The following NUMA1 variants were observed in gnomAD, a reference collection of about 807,000 sequenced individuals.
NUMA1 encodes nuclear mitotic apparatus protein 1.
Under a neutral mutation model 237.1 loss-of-function variants are expected in NUMA1, and 62 were observed. That is an observed-to-expected ratio of 0.26 (90% CI 0.21 to 0.32). NUMA1 has a LOEUF of 0.32. NUMA1 is among the 10% of genes least tolerant of loss of function. The pLI is 1.00. For missense variants in NUMA1, 2,533 were observed against 2,666.5 expected (o/e 0.95, Z 1.10); for synonymous variants, 1,028 against 1,066.1 (o/e 0.96, Z 0.70).
rs1335630924 is a variant in NUMA1 at position 72,009,240 on chromosome 11, T to G, written c.4839+28A>C. On this transcript the variant is annotated intron_variant, in intron 18 of 26. Coordinates refer to ENST00000393695, the MANE Select transcript of NUMA1 (RefSeq NM_006185.4). ...TAGAGGTTGAAGGGCAGGAGGAAGG[T>G]GGCATGGGCTGGGGCTGGGCTCCTT... 3 of 1,602,308 alleles carry G rather than the reference T, an allele frequency of 1.9e-6. No individual in the cohort carries two copies. In the African/African-American group the frequency reaches 4.0e-5, roughly 21 times the overall value.
At chr11:72,008,649 C>T in intron 20 of NUMA1, 39 bp downstream of exon 20, 1 of 1,607,186 alleles carries the variant, frequency 6.2e-7, no homozygotes, top group Non-Finnish European at 8.5e-7. Context: ...ACAGCAGGCA[C>T]TCCATAAACA....
rs1955556560 is a variant in NUMA1, at chr11:72,004,661, G to C, written c.5985C>G (p.His1995Gln). Residue 1995 changes from histidine to glutamine, a missense_variant, in exon 24 of 27, where the codon CAC becomes CAG. Transcript: ENST00000393695. ...CTACCTCAGGAGTTCCAGGGCCCTG[G>C]TGGGGCTCTAGGGAGACCCGTTTGC... ...QQRKRVSLEP[H>Q]QGPGTPESKK... 6.2e-7 allele frequency: 1 copy of C among 1,612,930 alleles called. No homozygotes were observed.
At chr11:72,049,594 GTGTATATA>G (rs1253808096) in intron 2 of NUMA1, 1 of 17,206 alleles carries the variant, frequency 5.8e-5, no homozygotes, top group Non-Finnish European at 2.2e-4. Context: ...GTGTGTGTGT[GTGTATATA>G]TATATATATA....
chr11:72,055,043 A>AT (rs1321620523), intron 2 of NUMA1, among the ~76,000 whole-genome samples: 1 of 152,032 alleles, frequency 6.6e-6, no homozygotes, highest in African/African-American at 2.4e-5. Flanking sequence ...CCTTTATATT[A>AT]TTTTTGTTTT....
chr11:72,056,658 A>AAAAAAAAG (rs1942669720), intron 2 of NUMA1, among the ~76,000 whole-genome samples: 1 of 138,624 alleles, frequency 7.2e-6, no homozygotes, highest in Non-Finnish European at 1.6e-5. Context: ...AAAAAAAAAA[A>AAAAAAAAG]AAGGCAAGCC....
intron 20 of NUMA1, chr11:72,008,487 G>A (rs1164780960): frequency 9.9e-6 from 6 of 608,438 alleles, no homozygotes; most frequent in Admixed American, 2.7e-5. Flanking sequence ...CAGCAGGAGC[G>A]ATAGCTTCCA....
intron 5 of NUMA1, 147 bp from the exon 6 acceptor site, chr11:72,023,294 T>C: frequency 1.6e-6 from 1 of 640,176 alleles, no homozygotes. Flanking sequence ...CTCTTTCCCC[T>C]GCCTTACAAT....
At chr11:72,030,151 A>G (rs1940101901) in intron 3 of NUMA1, among the ~76,000 whole-genome samples, 1 of 152,004 alleles carries the variant, frequency 6.6e-6, no homozygotes, top group African/African-American at 2.4e-5. Flanking sequence ...CCTGGGCAAC[A>G]TGGTGAAACC....
chr11:72,045,091 G>A (rs897783218), intron 2 of NUMA1, among the ~76,000 whole-genome samples: 5 of 152,070 alleles, frequency 3.3e-5, no homozygotes, highest in South Asian at 2.1e-4. Context: ...AATTCCTCAA[G>A]GGCATAACCA....
chr11:72,023,173 A>G (rs1939126094), intron 5 of NUMA1, 26 bp from the exon 6 acceptor site: 16 of 1,535,740 alleles, frequency 1.0e-5, no homozygotes, highest in Non-Finnish European at 1.4e-5. Context: ...CGTAGAAAAC[A>G]GGGTGAACTT....
intron 22 of NUMA1, 21 bp downstream of exon 22, chr11:72,006,013 TA>T (rs751182862): frequency 6.4e-7 from 1 of 1,570,140 alleles, no homozygotes; most frequent in Non-Finnish European, 8.7e-7. Flanking sequence ...TGGGGTATAG[TA>T]AGTCCCTGTA....
chr11:72,016,336 C>T, intron 14 of NUMA1, 72 bp downstream of exon 14: 1 of 1,590,476 alleles, frequency 6.3e-7, no homozygotes. Context: ...TGGAGGAACA[C>T]CAGGAACCCA....
chr11:72,009,484 C>A, intron 17 of NUMA1, 97 bp from the exon 18 acceptor site: 1 of 1,452,362 alleles, frequency 6.9e-7, no homozygotes, highest in East Asian at 2.3e-5. Flanking sequence ...GCTTCAGACT[C>A]CTGCACTTTC....
In NUMA1 at chr11:72,016,231, A is replaced by C. The variant is rs1428875408; in HGVS notation, c.1272T>G (p.Thr424=). ...GGAGCTGTGTGTTGTTTGCAGCAAG[A>C]GTGGCTGCCTCTTGCTTCAAGGTTT... The part of the protein sequence containing the change: ...QLETLKQEAA[T]LAANNTQLQA... Residue 424 remains threonine (T), a synonymous_variant, in exon 15 of 27, where the codon ACT becomes ACG. Transcript: ENST00000393695. 16 of 1,599,640 alleles carry C rather than the reference A, an allele frequency of 1.0e-5. No individual in the cohort carries two copies. The highest frequency in any genetic ancestry group is 1.3e-5 in the Non-Finnish European group (15 of 1,168,922).
rs1956374155 is a variant in NUMA1 at position 72,014,528 on chromosome 11, T to C, written c.2975A>G (p.Gln992Arg). 1 of 1,601,940 alleles carries C rather than the reference T, an allele frequency of 6.2e-7. No homozygotes were observed. Among genetic ancestry groups the C allele is most frequent in the Admixed American group, 1.7e-5 (1 of 60,004 alleles). ...ERLRAALMESQGQQQEERGQQ... is the reference protein window; with the variant it reads ...ERLRAALMESRGQQQEERGQQ... ...CCCACGCTCCTCCTGCTGCTGCCCC[T>C]GGCTCTCCATCAGCGCGGCCCGCAG... Residue 992 changes from glutamine (Q) to arginine (R), a missense_variant, in exon 15 of 27, where the codon CAG becomes CGG. By Grantham distance (43) the Gln-to-Arg change is conservative (BLOSUM62 1). Transcript: ENST00000393695. The surrounding 1 kb of genome is among the most constrained non-coding windows in gnomAD (Gnocchi z 4.6).
chr11:72,033,795 T>C (rs1590989070), intron 3 of NUMA1, among the ~76,000 whole-genome samples: 1 of 151,622 alleles, frequency 6.6e-6, no homozygotes, highest in Non-Finnish European at 1.5e-5. Context: ...TCAAGGCGGG[T>C]GGATCACTGG....
At chr11:72,034,601 G>A (rs777446501) in intron 3 of NUMA1, among the ~76,000 whole-genome samples, 1 of 151,940 alleles carries the variant, frequency 6.6e-6, no homozygotes, top group African/African-American at 2.4e-5. Context: ...CCAGCTACTC[G>A]GGAGGCTGAA....
Position 72,015,628 on chromosome 11 carries a change from C to T in NUMA1, c.1875G>A (p.Gln625=). 1 of 1,613,840 alleles carries T rather than the reference C, an allele frequency of 6.2e-7. No individual in the cohort carries two copies. The highest frequency in any genetic ancestry group is 8.5e-7 in the Non-Finnish European group (1 of 1,180,042). The stretch of plus-strand genomic sequence containing the variant: ...CACTGTCCCGGGCTTCATTAGCCAC[C>T]TGAAGTTGCTGCTGCAGAATCTCCA... The part of the protein sequence containing the change: ...AKLEILQQQL[Q]VANEARDSAQ... The change falls in exon 15 of 27, where the codon CAG becomes CAA. Residue 625 remains glutamine (Q), a synonymous_variant. Coordinates refer to ENST00000393695, the MANE Select transcript of NUMA1 (RefSeq NM_006185.4). This position sits in a 1 kb window ranked among gnomAD's most constrained non-coding sequence, Gnocchi z 4.0.
chr11:72,060,842 G>A (rs534509188), intron 2 of NUMA1, among the ~76,000 whole-genome samples: 30 of 152,176 alleles, frequency 2.0e-4, no homozygotes, highest in Non-Finnish European at 3.7e-4. Flanking sequence ...AGGCCGAGGC[G>A]GGCGGATCAC....
Sources: allele counts gnomAD v4.1 joint callset (sites outside exome capture counted in the v4.1 genomes callset), GRCh38; gene constraint gnomAD v4.1.1; non-coding constraint Gnocchi (gnomAD v3.1); transcripts MANE v1.5; gene names NCBI Gene and HGNC (gene_info 2026-07-23, HGNC 2026-07-21).